The following FHIT variants were observed in gnomAD, a reference collection of about 807,000 sequenced individuals.
The protein encoded by FHIT is fragile histidine triad diadenosine triphosphatase, also known as bis(5'-adenosyl)-triphosphatase.
In FHIT, 19 loss-of-function variants were observed where a neutral mutation model predicts 17.9. The ratio of observed to expected loss-of-function variants is 1.06; its 90% CI spans 0.74 to 1.56. The LOEUF (loss-of-function observed/expected upper bound fraction) is 1.56. FHIT is among the 40% of genes most tolerant of loss of function. The probability of loss-of-function intolerance (pLI) is 0.00; values close to 1 mark genes in which losing one functional copy is unlikely to be tolerated. For synonymous variants in FHIT, 81 were observed against 69.7 expected, an observed-to-expected ratio of 1.16 and a Z score of -0.81; for missense variants, 248 against 189.2, an observed-to-expected ratio of 1.31 and a Z score of -1.82.
At position 60,439,678 on chromosome 3, in the gene FHIT, C is replaced by G. The variant is rs1393595760; in HGVS notation, c.103+97182G>C. On this transcript the variant is annotated intron_variant, in intron 5 of 9. Transcript: ENST00000492590. The stretch of plus-strand genomic sequence containing the variant: ...AAGAGCAAGTAACACTCACTTCTCT[C>G]TGGGCATCATGTGTCTCCCAACCCT... 3.3e-5 allele frequency among the ~76,000 whole-genome samples: 5 copies of G among 152,062 alleles called. No individual in the cohort carries two copies. In the East Asian group the frequency reaches 9.7e-4, roughly 29 times the overall value.
chr3:60,388,480 G>A (rs1318282060), intron 5 of FHIT, among the ~76,000 whole-genome samples: 1 of 152,034 alleles, frequency 6.6e-6, no homozygotes, highest in East Asian at 1.9e-4. Flanking sequence ...TCACATGCCT[G>A]TAGACCCAGC....
intron 2 of FHIT, among the ~76,000 whole-genome samples, chr3:61,042,496 G>T (rs147326830): frequency 1.1e-3 from 172 of 152,198 alleles, no homozygotes; most frequent in African/African-American, 3.9e-3. Context: ...TATGAGAATT[G>T]ATCACATATT....
chr3:60,784,107 T>A (rs1000666995), intron 4 of FHIT, among the ~76,000 whole-genome samples: 2 of 152,098 alleles, frequency 1.3e-5, no homozygotes, highest in Admixed American at 6.5e-5. Context: ...CCCCTCCCCA[T>A]CTTTCTTCAT....
At chr3:60,340,066 G>T (rs374212869) in intron 5 of FHIT, among the ~76,000 whole-genome samples, 1 of 150,948 alleles carries the variant, frequency 6.6e-6, no homozygotes, top group Non-Finnish European at 1.5e-5. Context: ...TTTATGGAGG[G>T]GTGTTTAATT....
chr3:60,183,993 T>G, intron 5 of FHIT, among the ~76,000 whole-genome samples: 1 of 58,460 alleles, frequency 1.7e-5, no homozygotes, highest in Admixed American at 2.4e-4. Context: ...ATTAATTTAT[T>G]TTTCGTTTTT....
rs6806145 is a variant in FHIT at position 59,839,062 on chromosome 3, A to T, written c.348+83284T>A. 5.8e-3 allele frequency among the ~76,000 whole-genome samples: 888 copies of T among 152,276 alleles called. 10 individuals carry two copies. Among genetic ancestry groups the T allele is most frequent in the African/African-American group, 0.019 (785 of 41,570 alleles). On this transcript the variant is annotated intron_variant, in intron 8 of 9. Transcript: ENST00000492590. ...CTGGGCGCGGTAGCTCATGTCCCCA[A>T]TCCCAGCATTTTGGGAGGCCGAGGC...
At chr3:61,243,263 A>C (rs1406760048) in intron 1 of FHIT, among the ~76,000 whole-genome samples, 3 of 152,136 alleles carry the variant, frequency 2.0e-5, no homozygotes, top group Non-Finnish European at 2.9e-5. Context: ...TAGGGTCTTC[A>C]CTTCTTTTCT....
chr3:59,886,651 G>A (rs1268480997), intron 8 of FHIT, among the ~76,000 whole-genome samples: 2 of 152,104 alleles, frequency 1.3e-5, no homozygotes, highest in Non-Finnish European at 2.9e-5. Flanking sequence ...AGAGTAGGGA[G>A]TAACTCACCA....
intron 5 of FHIT, among the ~76,000 whole-genome samples, chr3:60,108,694 G>A (rs183050216): frequency 1.1e-3 from 163 of 146,268 alleles, no homozygotes; most frequent in Non-Finnish European, 1.7e-3. Context: ...ACAGAGTCTC[G>A]CTTTTGTCGT....
At chr3:59,842,966 C>T (rs764662397) in intron 8 of FHIT, among the ~76,000 whole-genome samples, 9 of 151,944 alleles carry the variant, frequency 5.9e-5, no homozygotes, top group African/African-American at 1.9e-4. Context: ...GTGTCATATC[C>T]GATAAATAAT....
At chr3:61,227,906 G>A (rs920330362) in intron 1 of FHIT, among the ~76,000 whole-genome samples, 3 of 152,088 alleles carry the variant, frequency 2.0e-5, no homozygotes, top group Admixed American at 6.5e-5. Context: ...AAAACTGAGG[G>A]TTGAATTTGG....
chr3:60,516,130 T>C (rs1026542625), intron 5 of FHIT, among the ~76,000 whole-genome samples: 7 of 152,196 alleles, frequency 4.6e-5, no homozygotes, highest in African/African-American at 1.7e-4. Context: ...CTCTTCACGC[T>C]GTTGAAAAAT....
chr3:61,082,863 A>C (rs910026376), intron 2 of FHIT, among the ~76,000 whole-genome samples: 1 of 152,022 alleles, frequency 6.6e-6, no homozygotes, highest in Non-Finnish European at 1.5e-5. Flanking sequence ...CTTTTTTCCA[A>C]TGGGCTATTT....
At chr3:60,105,337 C>T (rs1428330848) in intron 5 of FHIT, among the ~76,000 whole-genome samples, 3 of 152,334 alleles carry the variant, frequency 2.0e-5, no homozygotes, top group East Asian at 1.9e-4. Context: ...CATGTACTCA[C>T]ACACAAAATC....
chr3:61,171,521 C>T (rs2038003819), intron 2 of FHIT, among the ~76,000 whole-genome samples: 1 of 152,100 alleles, frequency 6.6e-6, no homozygotes. Flanking sequence ...TATCACACAC[C>T]TAAATCAAGG....
chr3:60,652,727 CAAAAA>C (rs782637479), intron 4 of FHIT, among the ~76,000 whole-genome samples: 3,001 of 58,994 alleles, frequency 0.051, 124 homozygotes, highest in African/African-American at 0.17. Flanking sequence ...GACTCCATCT[CAAAAA>C]AAAAAAAAAA....
chr3:60,194,634 T>C (rs1337878227), intron 5 of FHIT, among the ~76,000 whole-genome samples: 2 of 152,000 alleles, frequency 1.3e-5, no homozygotes, highest in Non-Finnish European at 2.9e-5. Flanking sequence ...GAAACAATCA[T>C]CACAGTAAAA....
At chr3:60,130,793 A>ACATATATATATGTGTGTGTGTGTG (rs1165614900) in intron 5 of FHIT, among the ~76,000 whole-genome samples, 1 of 140,428 alleles carries the variant, frequency 7.1e-6, no homozygotes, top group Non-Finnish European at 1.6e-5. Flanking sequence ...TGGTGTGTAT[A>ACATATATATATGTGTGTGTGTGTG]TACACACATA....
chr3:60,163,554 C>G (rs1015170412), intron 5 of FHIT, among the ~76,000 whole-genome samples: 15 of 152,108 alleles, frequency 9.9e-5, no homozygotes, highest in African/African-American at 3.6e-4. Flanking sequence ...AAACTGTTCC[C>G]TACCCATCTC....
Sources: allele counts gnomAD v4.1 joint callset (sites outside exome capture counted in the v4.1 genomes callset), GRCh38; gene constraint gnomAD v4.1.1; transcripts MANE v1.5; gene names NCBI Gene and HGNC (gene_info 2026-07-23, HGNC 2026-07-21).